TMEM132B: variants seen among roughly 807,000 people sequenced by gnomAD.
TMEM132B encodes the protein transmembrane protein 132B.
Under a neutral mutation model 90.8 loss-of-function variants are expected in TMEM132B, and 18 were observed. That is an observed-to-expected ratio of 0.20 (90% CI 0.14 to 0.29). The LOEUF (loss-of-function observed/expected upper bound fraction) is 0.29. Among genes scored for constraint, TMEM132B ranks in the 10% least tolerant of loss-of-function variants. TMEM132B has a pLI of 1.00. For synonymous variants in TMEM132B, 504 were observed against 523.3 expected, an observed-to-expected ratio of 0.96 and a Z score of 0.50; for missense variants, 1,096 against 1,326.8, an observed-to-expected ratio of 0.83 and a Z score of 2.70.
At chr12:125,473,472 C>T (rs1881775063) in intron 3 of TMEM132B, among the ~76,000 whole-genome samples, 2 of 152,232 alleles carry the variant, frequency 1.3e-5, no homozygotes, top group Non-Finnish European at 2.9e-5. Flanking sequence ...ACTGACTTCC[C>T]AGCAGCTATC....
At chr12:125,261,485 C>G (rs1054954531) in intron 1 of TMEM132B, among the ~76,000 whole-genome samples, 1 of 152,150 alleles carries the variant, frequency 6.6e-6, no homozygotes, top group Non-Finnish European at 1.5e-5. Context: ...GAGAGGAATT[C>G]TGCACACTGG....
At chr12:125,575,083 T>TA (rs61155232) in intron 4 of TMEM132B, among the ~76,000 whole-genome samples, 12 of 114,636 alleles carry the variant, frequency 1.0e-4, no homozygotes, top group East Asian at 2.4e-4. Context: ...TATATATATA[T>TA]TCAGGAGTAG....
intron 1 of TMEM132B, among the ~76,000 whole-genome samples, chr12:125,242,922 C>T (rs998997347): frequency 2.6e-5 from 4 of 151,406 alleles, no homozygotes; most frequent in Non-Finnish European, 5.9e-5. Context: ...TCTCTCTAGT[C>T]CTAGAACATT....
intron 3 of TMEM132B, among the ~76,000 whole-genome samples, chr12:125,512,271 A>G (rs888250791): frequency 1.3e-5 from 2 of 152,182 alleles, no homozygotes; most frequent in Non-Finnish European, 2.9e-5. Flanking sequence ...CCACATGGGA[A>G]TGTGGAATAG....
chr12:125,264,754 G>T (rs1021746813), intron 1 of TMEM132B, among the ~76,000 whole-genome samples: 1 of 152,174 alleles, frequency 6.6e-6, no homozygotes, highest in Non-Finnish European at 1.5e-5. Context: ...TTTCTGGTCT[G>T]CTTCTCCTTC....
At chr12:125,303,066 C>T (rs895445294) in intron 1 of TMEM132B, among the ~76,000 whole-genome samples, 3 of 152,026 alleles carry the variant, frequency 2.0e-5, no homozygotes, top group Non-Finnish European at 2.9e-5. Flanking sequence ...CACTGCACTC[C>T]AGCCTGGGGA....
intron 5 of TMEM132B, among the ~76,000 whole-genome samples, chr12:125,636,062 C>T (rs1331130114): frequency 2.6e-5 from 4 of 152,172 alleles, no homozygotes; most frequent in Non-Finnish European, 5.9e-5. Context: ...ACTCCCTTTT[C>T]TACCTCTTCA....
intron 4 of TMEM132B, among the ~76,000 whole-genome samples, chr12:125,564,447 A>G (rs1884614980): frequency 6.6e-6 from 1 of 152,174 alleles, no homozygotes; most frequent in African/African-American, 2.4e-5. Context: ...AAATTCTAAG[A>G]TGCACTGAGT....
intron 3 of TMEM132B, among the ~76,000 whole-genome samples, chr12:125,499,898 C>T (rs980504993): frequency 2.0e-4 from 30 of 152,206 alleles, no homozygotes; most frequent in African/African-American, 6.5e-4. Flanking sequence ...TCTTTGTATA[C>T]TGTACTTCTG....
intron 3 of TMEM132B, among the ~76,000 whole-genome samples, chr12:125,482,629 A>G (rs912266403): frequency 6.6e-6 from 1 of 152,198 alleles, no homozygotes. Flanking sequence ...AAACAGGAAC[A>G]CTTTCACGCT....
chr12:125,462,151 A>G (rs1881454483), intron 3 of TMEM132B, among the ~76,000 whole-genome samples: 1 of 152,234 alleles, frequency 6.6e-6, no homozygotes, highest in South Asian at 2.1e-4. Flanking sequence ...AATGTGGTGT[A>G]CTGTTAATCA....
At chr12:125,477,463 T>A (rs1881913551) in intron 3 of TMEM132B, among the ~76,000 whole-genome samples, 1 of 152,186 alleles carries the variant, frequency 6.6e-6, no homozygotes, top group Admixed American at 6.5e-5. Context: ...GATAGTTAAC[T>A]ATTTCTTCAA....
intron 3 of TMEM132B, among the ~76,000 whole-genome samples, chr12:125,475,807 C>T (rs1198918693): frequency 2.6e-5 from 4 of 152,160 alleles, no homozygotes; most frequent in East Asian, 1.9e-4. Context: ...AATACAAGGC[C>T]AATTCTTCCT....
rs540116815 is a variant in TMEM132B at position 125,445,161 on chromosome 12, GA to G, written c.1106+29494del. Among the ~76,000 whole-genome samples, 113 of 147,986 alleles carry G rather than the reference GA, an allele frequency of 7.6e-4. No homozygotes were observed. The highest frequency in any genetic ancestry group is 3.5e-3 in the Middle Eastern group (1 of 288). On this transcript the variant is annotated intron_variant, in intron 3 of 8. Coordinates refer to ENST00000682704, the MANE Select transcript of TMEM132B (RefSeq NM_001366854.1). The surrounding 1 kb of genome is among the most constrained non-coding windows in gnomAD (Gnocchi z 4.3). ...GCTACATTGATTTTCCTCTCCAATGGAAAAAAAAAACTTTTCAGATATTTAT... is the reference window on the plus strand; with the variant it reads ...GCTACATTGATTTTCCTCTCCAATGGAAAAAAAAACTTTTCAGATATTTAT...
intron 1 of TMEM132B, among the ~76,000 whole-genome samples, chr12:125,263,652 T>A (rs1001286938): frequency 3.9e-5 from 6 of 152,108 alleles, no homozygotes; most frequent in Non-Finnish European, 7.4e-5. Context: ...GTTTCAAAAA[T>A]TTTTTTTGAG....
intron 6 of TMEM132B, among the ~76,000 whole-genome samples, chr12:125,648,899 T>A (rs1238491227): frequency 6.6e-6 from 1 of 152,250 alleles, no homozygotes; most frequent in Non-Finnish European, 1.5e-5. Flanking sequence ...CACTATTGCC[T>A]GCCTATGTGA....
At chr12:125,515,483 ACACT>A (rs796809580) in intron 3 of TMEM132B, among the ~76,000 whole-genome samples, 19,632 of 93,466 alleles carry the variant, frequency 0.21, 1,730 homozygotes, top group East Asian at 0.44. Flanking sequence ...ACACATTGTC[ACACT>A]CACACACATA....
intron 1 of TMEM132B, among the ~76,000 whole-genome samples, chr12:125,289,194 G>T (rs756734526): frequency 1.2e-4 from 19 of 152,142 alleles, no homozygotes; most frequent in Non-Finnish European, 1.9e-4. Flanking sequence ...CATACTCTCT[G>T]CCAAAGGAAT....
chr12:125,422,315 G>A (rs910528066), intron 3 of TMEM132B, among the ~76,000 whole-genome samples: 6 of 152,246 alleles, frequency 3.9e-5, no homozygotes, highest in Non-Finnish European at 8.8e-5. Flanking sequence ...CGACTTTAGA[G>A]TCCATGCTTA....
Sources: gnomAD v4.1 joint callset for allele counts (sites outside exome capture counted in the v4.1 genomes callset) on GRCh38, gnomAD v4.1.1 for gene constraint, Gnocchi (gnomAD v3.1) non-coding constraint, MANE v1.5 for transcripts, NCBI Gene and HGNC (gene_info 2026-07-23, HGNC 2026-07-21) for gene names.